The following GAS7 variants were observed in gnomAD, a reference collection of about 807,000 sequenced individuals.
The protein encoded by GAS7 is growth arrest specific 7.
GAS7 carries 28 observed loss-of-function variants against 71.1 expected under a neutral mutation model. The observed-to-expected ratio is 0.39, with a 90% CI of 0.29 to 0.54. The LOEUF is 0.54. Among genes scored for constraint, GAS7 ranks in the 20% least tolerant of loss-of-function variants. The pLI is 0.62. For synonymous variants in GAS7, 258 were observed against 245.8 expected (o/e 1.05, Z -0.46); for missense variants, 436 against 627.8 (o/e 0.69, Z 3.27).
intron 8 of GAS7, among the ~76,000 whole-genome samples, chr17:9,935,288 A>T (rs8072109): frequency 6.6e-6 from 1 of 152,004 alleles, no homozygotes; most frequent in Admixed American, 6.6e-5. Flanking sequence ...TCCTCTTAGC[A>T]GCATCACTTC....
At chr17:9,921,295 C>T (rs1464789081) in intron 11 of GAS7, among the ~76,000 whole-genome samples, 2 of 151,762 alleles carry the variant, frequency 1.3e-5, no homozygotes, top group Admixed American at 1.3e-4. Context: ...TAGCTGGTAC[C>T]ACAGGCATGC....
chr17:10,143,974 C>T (rs1436158958), intron 1 of GAS7, among the ~76,000 whole-genome samples: 1 of 152,196 alleles, frequency 6.6e-6, no homozygotes, highest in Non-Finnish European at 1.5e-5. Flanking sequence ...CACCCATTCC[C>T]CACCTAGCCC....
chr17:10,170,959 C>T (rs906230922), intron 1 of GAS7, among the ~76,000 whole-genome samples: 3 of 152,192 alleles, frequency 2.0e-5, no homozygotes, highest in African/African-American at 7.2e-5. Flanking sequence ...TGTGGCTGAG[C>T]CAGCGAACCA....
chr17:10,105,072 T>C (rs1246044956), intron 1 of GAS7, among the ~76,000 whole-genome samples: 1 of 152,226 alleles, frequency 6.6e-6, no homozygotes, highest in African/African-American at 2.4e-5. Flanking sequence ...CACCCTGACC[T>C]TCTAGCTCTG....
At chr17:10,080,964 G>A (rs563170220) in intron 1 of GAS7, among the ~76,000 whole-genome samples, 12 of 152,336 alleles carry the variant, frequency 7.9e-5, no homozygotes, top group South Asian at 6.2e-4. Flanking sequence ...TCAAATCAGC[G>A]AGGTGAGAAT....
chr17:10,160,936 C>CCACACACACACA (rs1047217599), intron 1 of GAS7, among the ~76,000 whole-genome samples: 18 of 93,656 alleles, frequency 1.9e-4, no homozygotes, highest in African/African-American at 7.6e-4. Flanking sequence ...GAAATTGAAA[C>CCACACACACACA]CATACACACA....
At chr17:10,081,506 T>C (rs2073456706) in intron 1 of GAS7, among the ~76,000 whole-genome samples, 1 of 152,184 alleles carries the variant, frequency 6.6e-6, no homozygotes, top group South Asian at 2.1e-4. Context: ...AATCGATTAA[T>C]AAATTTGACT....
rs546043780 is a variant in GAS7 at position 10,103,074 on chromosome 17, G to A, written c.184-83177C>T. 2.9e-4 allele frequency among the ~76,000 whole-genome samples: 44 copies of A among 152,292 alleles called. No homozygotes were observed. The highest frequency in any genetic ancestry group is 9.1e-4 in the African/African-American group (38 of 41,566). On this transcript the variant is annotated intron_variant, in intron 1 of 13. Coordinates refer to ENST00000432992, the MANE Select transcript of GAS7 (RefSeq NM_201433.2). The surrounding 1 kb of genome is among the most constrained non-coding windows in gnomAD (Gnocchi z 5.5). ...ATCTGCATTTTAACAAACCCTGACC[G>A]GACGTAGTGGCTCACACCTGTAATC...
At chr17:9,931,189 C>T (rs2068194585) in intron 9 of GAS7, among the ~76,000 whole-genome samples, 1 of 152,228 alleles carries the variant, frequency 6.6e-6, no homozygotes, top group African/African-American at 2.4e-5. Context: ...CTGAACCCAC[C>T]TGGCTGTGTG....
intron 1 of GAS7, among the ~76,000 whole-genome samples, chr17:10,045,345 TATC>T (rs1185555153): frequency 6.6e-6 from 1 of 152,192 alleles, no homozygotes; most frequent in Non-Finnish European, 1.5e-5. Flanking sequence ...TTCTTGTACA[TATC>T]ATGGTAGAGT....
intron 1 of GAS7, among the ~76,000 whole-genome samples, chr17:10,138,758 C>G (rs1472507679): frequency 6.6e-6 from 1 of 151,894 alleles, no homozygotes; most frequent in Non-Finnish European, 1.5e-5. Context: ...CACAGAGAGA[C>G]TCCGTCTCAA....
intron 1 of GAS7, among the ~76,000 whole-genome samples, chr17:10,024,732 G>A (rs560466308): frequency 1.3e-5 from 2 of 152,228 alleles, no homozygotes; most frequent in East Asian, 3.9e-4. Flanking sequence ...GATATATATG[G>A]AAAGAGCATC....
At chr17:10,171,422 C>T (rs2074334252) in intron 1 of GAS7, among the ~76,000 whole-genome samples, 1 of 152,188 alleles carries the variant, frequency 6.6e-6, no homozygotes, top group Non-Finnish European at 1.5e-5. Flanking sequence ...ATGAGGAACA[C>T]ATCAATTTAG....
chr17:9,995,255 C>T (rs9906993), intron 2 of GAS7, among the ~76,000 whole-genome samples: 6,484 of 152,168 alleles, frequency 0.043, 357 homozygotes, highest in African/African-American at 0.13. Flanking sequence ...ACCAAGGACA[C>T]TCAGTAATTG....
At chr17:10,100,043 T>G (rs1227746523) in intron 1 of GAS7, among the ~76,000 whole-genome samples, 2 of 152,164 alleles carry the variant, frequency 1.3e-5, no homozygotes, top group Non-Finnish European at 1.5e-5. Context: ...GAGGTTGAGA[T>G]CCATCTATTA....
chr17:9,965,782 G>A (rs1597567474), intron 4 of GAS7, among the ~76,000 whole-genome samples: 1 of 152,174 alleles, frequency 6.6e-6, no homozygotes, highest in Non-Finnish European at 1.5e-5. Flanking sequence ...CAGGGCTGCA[G>A]AATTGAAACC....
At chr17:9,965,145 A>G (rs2069654126) in intron 4 of GAS7, among the ~76,000 whole-genome samples, 1 of 152,194 alleles carries the variant, frequency 6.6e-6, no homozygotes, top group African/African-American at 2.4e-5. Context: ...AACCGGAAAT[A>G]CCATTTGACC....
chr17:10,188,946 T>C (rs1445575895), intron 1 of GAS7, among the ~76,000 whole-genome samples: 1 of 152,208 alleles, frequency 6.6e-6, no homozygotes, highest in East Asian at 1.9e-4. Flanking sequence ...GCCCAGCCTG[T>C]ATATGTTTTA....
chr17:10,044,653 C>G (rs2072921853), intron 1 of GAS7, among the ~76,000 whole-genome samples: 1 of 151,888 alleles, frequency 6.6e-6, no homozygotes, highest in Non-Finnish European at 1.5e-5. Context: ...CAATTTTTTT[C>G]AAATTATCAC....
Sources: allele counts gnomAD v4.1 joint callset (sites outside exome capture counted in the v4.1 genomes callset), GRCh38; gene constraint gnomAD v4.1.1; non-coding constraint Gnocchi (gnomAD v3.1); transcripts MANE v1.5; gene names NCBI Gene and HGNC (gene_info 2026-07-23, HGNC 2026-07-21).